The following GAB1 variants were observed in gnomAD, a reference collection of about 807,000 sequenced individuals.
GAB1 encodes GRB2-associated-binding protein 1.
A neutral mutation model predicts 66.5 loss-of-function variants in GAB1; 19 were observed. The ratio of observed to expected loss-of-function variants is 0.29; its 90% confidence interval spans 0.20 to 0.42. GAB1 has a LOEUF of 0.42. Among genes scored for constraint, GAB1 ranks in the 10% least tolerant of loss-of-function variants. The probability of loss-of-function intolerance (pLI) is 1.00; values close to 1 mark genes in which losing one functional copy is unlikely to be tolerated. For missense variants in GAB1, 732 were observed against 858.5 expected, an observed-to-expected ratio of 0.85 and a Z score of 1.84; for synonymous variants, 294 against 301.4, an observed-to-expected ratio of 0.98 and a Z score of 0.25.
chr4:143,425,758 C>G, intron 2 of GAB1: 1 of 763,832 alleles, frequency 1.3e-6, no homozygotes, highest in Non-Finnish European at 2.4e-6. Flanking sequence ...CCTGAGTTCA[C>G]TGCTACTCAG....
intron 8 of GAB1, among the ~76,000 whole-genome samples, chr4:143,460,795 A>G (rs1460549771): frequency 3.9e-5 from 6 of 152,176 alleles, no homozygotes; most frequent in Non-Finnish European, 7.3e-5. Context: ...GTTTGAGGCT[A>G]GCCTGCACAA....
At chr4:143,355,432 AAACAAC>A (rs34564162) in intron 1 of GAB1, among the ~76,000 whole-genome samples, 1 of 149,328 alleles carries the variant, frequency 6.7e-6, no homozygotes, top group African/African-American at 2.5e-5. Context: ...GTTTAAAACA[AAACAAC>A]AACAACAACA....
At chr4:143,403,225 CTGTTA>C (rs1731865822) in intron 1 of GAB1, among the ~76,000 whole-genome samples, 1 of 152,062 alleles carries the variant, frequency 6.6e-6, no homozygotes, top group Non-Finnish European at 1.5e-5. Flanking sequence ...CCAGATGGCA[CTGTTA>C]TTTCTCTGGC....
intron 1 of GAB1, among the ~76,000 whole-genome samples, chr4:143,383,505 AAG>A (rs1413881562): frequency 2.6e-5 from 4 of 152,334 alleles, no homozygotes; most frequent in African/African-American, 9.6e-5. Flanking sequence ...AGTGTAAGAA[AAG>A]AAAAATTACT....
chr4:143,455,005 T>G (rs996979938), intron 6 of GAB1, among the ~76,000 whole-genome samples: 1 of 152,246 alleles, frequency 6.6e-6, no homozygotes, highest in South Asian at 2.1e-4. Flanking sequence ...TCCATGTAAT[T>G]TTTCATAGGC....
chr4:143,435,562 A>G (rs1478921663), intron 3 of GAB1, among the ~76,000 whole-genome samples: 1 of 152,216 alleles, frequency 6.6e-6, no homozygotes, highest in Admixed American at 6.5e-5. Context: ...TATGCTCAAA[A>G]TCATCACCCA....
chr4:143,366,830 G>A (rs1314567065), intron 1 of GAB1, among the ~76,000 whole-genome samples: 5 of 151,924 alleles, frequency 3.3e-5, no homozygotes, highest in Admixed American at 2.6e-4. Context: ...TTCAATTTTT[G>A]AATTGAAAAT....
intron 1 of GAB1, among the ~76,000 whole-genome samples, chr4:143,343,712 G>A (rs186731138): frequency 1.2e-3 from 187 of 152,268 alleles, no homozygotes; most frequent in African/African-American, 4.2e-3. Context: ...GGAAGACTCC[G>A]CAAATGAATT....
intron 8 of GAB1, among the ~76,000 whole-genome samples, chr4:143,461,919 T>C (rs920987387): frequency 6.6e-6 from 1 of 152,146 alleles, no homozygotes; most frequent in Non-Finnish European, 1.5e-5. Flanking sequence ...TTCAGTGATA[T>C]GAAAAACTTG....
chr4:143,448,980 G>C (rs922743960), intron 6 of GAB1, among the ~76,000 whole-genome samples: 27 of 152,218 alleles, frequency 1.8e-4, no homozygotes, highest in Middle Eastern at 3.4e-3. Context: ...AGAGATTCTG[G>C]TATGCTGTGT....
chr4:143,444,635 TA>T (rs1734415452), intron 6 of GAB1, among the ~76,000 whole-genome samples: 1 of 152,188 alleles, frequency 6.6e-6, no homozygotes, highest in South Asian at 2.1e-4. Context: ...ATTTTAGTTT[TA>T]GGGGGGTGCA....
chr4:143,410,258 T>C (rs1291256467), intron 1 of GAB1, among the ~76,000 whole-genome samples: 2 of 152,172 alleles, frequency 1.3e-5, no homozygotes, highest in African/African-American at 4.8e-5. Context: ...TGAGCTGTCA[T>C]TTATACCACA....
intron 2 of GAB1, among the ~76,000 whole-genome samples, chr4:143,421,698 C>CTTTTTTTTTTTTT (rs70953733): frequency 3.8e-3 from 451 of 118,648 alleles, no homozygotes; most frequent in Non-Finnish European, 5.7e-3. Context: ...CTTTTCTTTT[C>CTTTTTTTTTTTTT]TTTTTTTTTT....
chr4:143,428,019 G>A (rs1400213341), intron 2 of GAB1, among the ~76,000 whole-genome samples: 1 of 152,206 alleles, frequency 6.6e-6, no homozygotes, highest in Non-Finnish European at 1.5e-5. Flanking sequence ...GGGGGCCTAT[G>A]GGGGTGGGAA....
At chr4:143,468,011 C>T (rs1735881229) in intron 9 of GAB1, among the ~76,000 whole-genome samples, 1 of 152,080 alleles carries the variant, frequency 6.6e-6, no homozygotes. Context: ...TGTAGTTTGT[C>T]ATTCTTGAAG....
At chr4:143,349,807 C>T (rs1047769337) in intron 1 of GAB1, 29 of 1,587,014 alleles carry the variant, frequency 1.8e-5, no homozygotes, top group Middle Eastern at 1.9e-4. Flanking sequence ...CTGGCCGGCA[C>T]GGGTCTGCTT....
At chr4:143,420,165 T>G (rs540740208) in intron 2 of GAB1, among the ~76,000 whole-genome samples, 78 of 152,280 alleles carry the variant, frequency 5.1e-4, no homozygotes, top group Non-Finnish European at 1.0e-3. Flanking sequence ...CCAAGCCTTC[T>G]GCTCTTCCTG....
At chr4:143,430,974 T>G (rs376797007) in intron 2 of GAB1, among the ~76,000 whole-genome samples, 3 of 152,216 alleles carry the variant, frequency 2.0e-5, no homozygotes, top group African/African-American at 7.2e-5. Flanking sequence ...TTTTTCTATG[T>G]CTCAAAGATT....
At chr4:143,375,818 AGTT>A (rs1362823960) in intron 1 of GAB1, among the ~76,000 whole-genome samples, 1 of 152,112 alleles carries the variant, frequency 6.6e-6, no homozygotes, top group African/African-American at 2.4e-5. Flanking sequence ...TAGGGTGTTT[AGTT>A]AGCAGCAGCA....
Sources: gnomAD v4.1 joint callset for allele counts (sites outside exome capture counted in the v4.1 genomes callset) on GRCh38, gnomAD v4.1.1 for gene constraint, MANE v1.5 for transcripts, NCBI Gene and HGNC (gene_info 2026-07-23, HGNC 2026-07-21) for gene names.